The following RLN2 variants were observed in gnomAD, a reference collection of about 807,000 sequenced individuals.
RLN2 encodes the protein relaxin 2, also known as prorelaxin H2.
RLN2 carries 10 observed loss-of-function variants against 7.3 expected under a neutral mutation model. The observed-to-expected ratio is 1.36, with a 90% confidence interval of 0.84 to 2.31. RLN2 has a LOEUF of 2.31. RLN2 is among the 30% of genes most tolerant of loss of function. The probability of loss-of-function intolerance (pLI) is 0.00; values close to 1 mark genes in which losing one functional copy is unlikely to be tolerated. For synonymous variants in RLN2, 103 were observed against 82.3 expected, an observed-to-expected ratio of 1.25 and a Z score of -1.36; for missense variants, 298 against 217.6, an observed-to-expected ratio of 1.37 and a Z score of -2.32.
At chr9:5,321,834 G>C in the RLN2 span, among the ~76,000 whole-genome samples, 1 of 152,018 alleles carries the variant, frequency 6.6e-6, no homozygotes, top group Non-Finnish European at 1.5e-5. Flanking sequence ...TAAAGATACA[G>C]GGAGCATTGG....
the RLN2 span, chr9:5,335,559 T>G: frequency 4.3e-6 from 7 of 1,611,412 alleles, no homozygotes; most frequent in Non-Finnish European, 5.9e-6. Flanking sequence ...ATGATAATTA[T>G]AGTTTCTGTA....
the RLN2 span, among the ~76,000 whole-genome samples, chr9:5,326,507 A>C: frequency 6.6e-6 from 1 of 152,024 alleles, no homozygotes; most frequent in African/African-American, 2.4e-5. Flanking sequence ...CAGAAGCCAG[A>C]GTGTGGGAGC....
chr9:5,325,543 C>G, the RLN2 span, among the ~76,000 whole-genome samples: 2 of 152,024 alleles, frequency 1.3e-5, no homozygotes, highest in South Asian at 4.2e-4. Context: ...TGGCCTGTAT[C>G]ACAAAGAAAG....
chr9:5,332,899 G>C, the RLN2 span, among the ~76,000 whole-genome samples: 2 of 152,040 alleles, frequency 1.3e-5, no homozygotes, highest in African/African-American at 4.8e-5. Context: ...TTTCAGGCAT[G>C]AGCCACCGCG....
At chr9:5,336,070 G>C in the RLN2 span, among the ~76,000 whole-genome samples, 4 of 151,954 alleles carry the variant, frequency 2.6e-5, no homozygotes, top group East Asian at 1.9e-4. Context: ...TCAATGTTTC[G>C]TGGTGGGAAT....
At chr9:5,335,945 T>G in the RLN2 span, among the ~76,000 whole-genome samples, 1 of 152,070 alleles carries the variant, frequency 6.6e-6, no homozygotes, top group African/African-American at 2.4e-5. Flanking sequence ...CCACACATAG[T>G]GGTCATTTTC....
In RLN2 at chr9:5,300,044, T is replaced by C; in HGVS notation, c.*54A>G. 1.8e-6 allele frequency: 2 copies of C among 1,126,252 alleles called. No individual in the cohort carries two copies. Among genetic ancestry groups the C allele is most frequent in the Non-Finnish European group, 2.6e-6 (2 of 781,234 alleles). 69.8% of individuals were successfully genotyped at this position (1,126,252 alleles called of 1,614,324 possible). A position where few individuals can be genotyped will look rare whatever the true frequency, so the allele number is the denominator to read the frequency against. On this transcript the variant is annotated 3_prime_UTR_variant, in exon 2 of 2. Transcript: ENST00000381627. ...GGACCTGATAGAAGCATCAGTGAAA[T>C]GTCATTAAGAATATGTGTGAATATT...
the RLN2 span, among the ~76,000 whole-genome samples, chr9:5,315,321 T>A: frequency 6.7e-6 from 1 of 148,238 alleles, no homozygotes; most frequent in Non-Finnish European, 1.5e-5. Flanking sequence ...AAAAATACAA[T>A]AGAAAGCTTC....
At chr9:5,306,096 GT>G (rs1332185953), upstream of RLN2, among the ~76,000 whole-genome samples, 1 of 125,836 alleles carries the variant, frequency 7.9e-6, no homozygotes, top group Non-Finnish European at 1.6e-5. Flanking sequence ...GGATTTCTTT[GT>G]TTTTGTTTTT....
At chr9:5,318,560 T>C in the RLN2 span, among the ~76,000 whole-genome samples, 2 of 151,970 alleles carry the variant, frequency 1.3e-5, no homozygotes, top group African/African-American at 4.8e-5. Context: ...TAAGGTCTCT[T>C]AACATTAATG....
the RLN2 span, among the ~76,000 whole-genome samples, chr9:5,330,994 C>A: frequency 6.6e-6 from 1 of 151,898 alleles, no homozygotes. Context: ...ACTAGAAAAT[C>A]TAGAAGAAAT....
chr9:5,335,169 G>A, the RLN2 span: 6 of 736,008 alleles, frequency 8.2e-6, no homozygotes, highest in African/African-American at 1.8e-5. Context: ...CTAATAATTA[G>A]TGGGACCTGA....
the RLN2 span, among the ~76,000 whole-genome samples, chr9:5,310,703 A>G: frequency 6.6e-6 from 1 of 152,066 alleles, no homozygotes; most frequent in African/African-American, 2.4e-5. Flanking sequence ...CCACTTTCAA[A>G]TAACACTAAC....
At chr9:5,306,174 C>T (rs1816249327), upstream of RLN2, among the ~76,000 whole-genome samples, 1 of 140,420 alleles carries the variant, frequency 7.1e-6, no homozygotes, top group Admixed American at 7.5e-5. Flanking sequence ...ATGGTGTGAT[C>T]TCAGCTCACT....
the RLN2 span, among the ~76,000 whole-genome samples, chr9:5,322,967 TTAAAGTA>T: frequency 6.6e-6 from 1 of 151,776 alleles, no homozygotes; most frequent in East Asian, 1.9e-4. Flanking sequence ...CCCCATCTGC[TTAAAGTA>T]TAATTTCCCA....
At chr9:5,317,734 G>C in the RLN2 span, among the ~76,000 whole-genome samples, 1 of 151,856 alleles carries the variant, frequency 6.6e-6, no homozygotes, top group Non-Finnish European at 1.5e-5. Context: ...ATGGGTAAAA[G>C]ACACAAATTA....
upstream of RLN2, among the ~76,000 whole-genome samples, chr9:5,307,962 C>G (rs1045697666): frequency 5.9e-5 from 9 of 151,984 alleles, no homozygotes; most frequent in African/African-American, 2.2e-4. Context: ...CTTATTGTTT[C>G]CCATGATCTG....
the RLN2 span, among the ~76,000 whole-genome samples, chr9:5,317,994 A>ATGTGTGTGGGCG: frequency 2.3e-3 from 152 of 64,736 alleles, no homozygotes; most frequent in Non-Finnish European, 3.9e-3. Flanking sequence ...TAACAAAACT[A>ATGTGTGTGGGCG]TGTGTGTGTG....
At chr9:5,330,409 A>G in the RLN2 span, among the ~76,000 whole-genome samples, 1 of 151,812 alleles carries the variant, frequency 6.6e-6, no homozygotes, top group Admixed American at 6.6e-5. Flanking sequence ...GAGGCAGAGG[A>G]GGGCAGATCA....
Sources: allele counts gnomAD v4.1 joint callset (sites outside exome capture counted in the v4.1 genomes callset), GRCh38; gene constraint gnomAD v4.1.1; transcripts MANE v1.5; gene names NCBI Gene and HGNC (gene_info 2026-07-23, HGNC 2026-07-21).